Variants in ZNF540 observed in about 807,000 individuals in gnomAD.
The protein encoded by ZNF540 is zinc finger protein 540, also known as CTD-3064H18.6.
In ZNF540, 3 loss-of-function variants were observed where a neutral mutation model predicts 11.8. The ratio of observed to expected loss-of-function variants is 0.25; its 90% CI spans 0.12 to 0.65. The LOEUF (loss-of-function observed/expected upper bound fraction) is 0.65, where lower values mean the gene tolerates loss of function less well. ZNF540 is among the 30% of genes least tolerant of loss of function. ZNF540 has a pLI of 0.83. For missense variants in ZNF540, 709 were observed against 793.1 expected, an observed-to-expected ratio of 0.89 and a Z score of 1.27; for synonymous variants, 247 against 259.0, an observed-to-expected ratio of 0.95 and a Z score of 0.45.
intron 1 of ZNF540, among the ~76,000 whole-genome samples, chr19:37,571,843 A>G (rs1291030323): frequency 6.6e-6 from 1 of 152,238 alleles, no homozygotes; most frequent in African/African-American, 2.4e-5. Context: ...CCTAAGGCCA[A>G]CAGATTGCAT....
chr19:37,599,494 C>A, intron 2 of ZNF540, 132 bp from the exon 3 acceptor site: 1 of 1,031,126 alleles, frequency 9.7e-7, no homozygotes. Context: ...CTATCTTTAT[C>A]ATAAGCTTTC....
chr19:37,577,772 C>T (rs1235893213), intron 1 of ZNF540, among the ~76,000 whole-genome samples: 1 of 152,184 alleles, frequency 6.6e-6, no homozygotes, highest in Non-Finnish European at 1.5e-5. Flanking sequence ...TAGGGGGGCA[C>T]TCAAGATGGC....
chr19:37,601,442 C>T (rs1051393853), intron 4 of ZNF540, among the ~76,000 whole-genome samples: 4 of 152,174 alleles, frequency 2.6e-5, no homozygotes, highest in African/African-American at 7.2e-5. Context: ...CCTAAAAGTT[C>T]AGTCTTTCAC....
At chr19:37,579,363 G>C (rs2043364144) in intron 1 of ZNF540, among the ~76,000 whole-genome samples, 1 of 152,168 alleles carries the variant, frequency 6.6e-6, no homozygotes, top group African/African-American at 2.4e-5. Context: ...CAGGGCCTGA[G>C]GTCAGACCAA....
intron 1 of ZNF540, chr19:37,565,478 A>G (rs146117020): frequency 1.2e-6 from 2 of 1,613,308 alleles, no homozygotes; most frequent in African/African-American, 1.3e-5. Flanking sequence ...TGAACCAAGA[A>G]TAAAGGCCTT....
chr19:37,589,097 G>A (rs139953368), intron 1 of ZNF540, among the ~76,000 whole-genome samples: 3,278 of 151,802 alleles, frequency 0.022, 127 homozygotes, highest in African/African-American at 0.074. Context: ...CTACTTGGGA[G>A]GCTAAGGCAG....
rs577018053 is a variant in ZNF540, at chr19:37,603,338, G to T, written c.232+2233G>T. Among the ~76,000 whole-genome samples, 18 of 152,210 alleles carry T rather than the reference G, an allele frequency of 1.2e-4. No individual in the cohort carries two copies. In the East Asian group the frequency reaches 3.3e-3, roughly 28 times the overall value. Reference sequence around the variant, plus strand: ...AGATGTGAGATTTTAAGATGAAAATGATTCTATAGAAAGGGGAAAAATTGT... The same window carrying T: ...AGATGTGAGATTTTAAGATGAAAATTATTCTATAGAAAGGGGAAAAATTGT... On this transcript the variant is annotated intron_variant, in intron 4 of 4. Transcript: ENST00000316433.
chr19:37,555,657 T>C, intron 1 of ZNF540: 3 of 523,694 alleles, frequency 5.7e-6, no homozygotes, highest in Non-Finnish European at 1.0e-5. Context: ...TTAGGGGGTT[T>C]CTGGAACATA....
Position 37,612,627 on chromosome 19 carries a change from G to A in ZNF540, c.1347G>A (p.Met449Ile). Residue 449 changes from methionine to isoleucine, a missense_variant, in exon 5 of 5, where the codon ATG becomes ATA. Met to Ile is a conservative substitution (Grantham distance 10). Transcript: ENST00000316433. ...YECKECGKAF[M>I]LRSVLTEHQR... ...GTAAGGAATGCGGGAAAGCCTTTAT[G>A]CTTCGTTCAGTCCTTACTGAACATC... The A allele has an allele frequency of 1.2e-6, 2 of 1,613,834 alleles. No homozygotes were observed. The highest frequency in any genetic ancestry group is 1.1e-5 in the South Asian group (1 of 91,058).
chr19:37,595,173 C>G (rs1422478890), intron 1 of ZNF540, 78 bp downstream of exon 1: 1 of 152,128 alleles, frequency 6.6e-6, no homozygotes, highest in Non-Finnish European at 1.5e-5. Context: ...CAACGGGGTT[C>G]GGAAGTGTGA....
At chr19:37,558,512 G>A (rs2147139404) in intron 1 of ZNF540, among the ~76,000 whole-genome samples, 1 of 152,186 alleles carries the variant, frequency 6.6e-6, no homozygotes, top group East Asian at 1.9e-4. Context: ...ACAAGTTTAT[G>A]GGTTTCCGAG....
intron 1 of ZNF540, among the ~76,000 whole-genome samples, chr19:37,589,274 G>T (rs2043794641): frequency 6.6e-6 from 1 of 150,840 alleles, no homozygotes; most frequent in Non-Finnish European, 1.5e-5. Context: ...CTTCAGAGGG[G>T]AAAATTCTGT....
upstream of ZNF540, among the ~76,000 whole-genome samples, chr19:37,592,793 T>C (rs1441137353): frequency 6.6e-6 from 1 of 152,192 alleles, no homozygotes; most frequent in Non-Finnish European, 1.5e-5. Context: ...AAACAAATTA[T>C]AAGACAGTAC....
At chr19:37,558,837 G>C (rs2042688353) in intron 1 of ZNF540, among the ~76,000 whole-genome samples, 1 of 151,894 alleles carries the variant, frequency 6.6e-6, no homozygotes, top group South Asian at 2.1e-4. Flanking sequence ...TATGGAGAGA[G>C]AGACAGAGAG....
intron 4 of ZNF540, among the ~76,000 whole-genome samples, chr19:37,606,326 G>A (rs567270790): frequency 5.3e-5 from 8 of 152,210 alleles, no homozygotes; most frequent in African/African-American, 1.7e-4. Context: ...ATTTACCAGC[G>A]ATGGACATTT....
At chr19:37,610,156 T>C (rs1435701818) in intron 4 of ZNF540, among the ~76,000 whole-genome samples, 1 of 152,082 alleles carries the variant, frequency 6.6e-6, no homozygotes, top group Non-Finnish European at 1.5e-5. Flanking sequence ...TGAGAGAGAT[T>C]AGAGCTCCTT....
chr19:37,587,949 A>G (rs2043733511), intron 1 of ZNF540, among the ~76,000 whole-genome samples: 1 of 151,772 alleles, frequency 6.6e-6, no homozygotes, highest in African/African-American at 2.4e-5. Context: ...AAAATACAAA[A>G]ATTAGCCAGG....
At chr19:37,588,174 A>G (rs2043748435) in intron 1 of ZNF540, among the ~76,000 whole-genome samples, 2 of 150,934 alleles carry the variant, frequency 1.3e-5, no homozygotes, top group East Asian at 1.9e-4. Flanking sequence ...AAAGATGTTA[A>G]CCTCTGCAAG....
intron 3 of ZNF540, among the ~76,000 whole-genome samples, 182 bp downstream of exon 3, chr19:37,599,934 C>T (rs1394050345): frequency 1.3e-5 from 2 of 152,198 alleles, no homozygotes; most frequent in African/African-American, 4.8e-5. Context: ...TTTCACCATA[C>T]CTCACTGAGC....
Sources: allele counts gnomAD v4.1 joint callset (sites outside exome capture counted in the v4.1 genomes callset), GRCh38; gene constraint gnomAD v4.1.1; transcripts MANE v1.5; gene names NCBI Gene and HGNC (gene_info 2026-07-23, HGNC 2026-07-21).